The following PLCE1 variants were observed in gnomAD, a reference collection of about 807,000 sequenced individuals.
PLCE1 encodes the protein 1-phosphatidylinositol 4,5-bisphosphate phosphodiesterase epsilon-1.
PLCE1 carries 119 observed loss-of-function variants against 242.8 expected under a neutral mutation model. The observed-to-expected ratio is 0.49, with a 90% CI of 0.42 to 0.57. The LOEUF is 0.57. PLCE1 is among the 20% of genes least tolerant of loss of function. The pLI, the probability that PLCE1 is intolerant of heterozygous loss-of-function variation, is 0.00. For synonymous variants in PLCE1, 945 were observed against 1,017.4 expected, an observed-to-expected ratio of 0.93 and a Z score of 1.35; for missense variants, 2,441 against 2,788.8, an observed-to-expected ratio of 0.88 and a Z score of 2.81.
At position 93,996,989 on chromosome 10, in the gene PLCE1, C is replaced by G. The variant is rs2060836832; in HGVS notation, c.-365+2731C>G. Reference sequence around the variant, plus strand: ...TACTGGTTTCCAAATGAAATTTAGTCATAACTTTAAAGTTTCCAAATTTTA... The same window carrying G: ...TACTGGTTTCCAAATGAAATTTAGTGATAACTTTAAAGTTTCCAAATTTTA... On this transcript the variant is annotated intron_variant, in intron 1 of 32. Transcript: ENST00000371380. Among the ~76,000 whole-genome samples the G allele has an allele frequency of 3.3e-5, 5 of 152,164 alleles. No homozygotes were observed. In the South Asian group the frequency reaches 1.0e-3, roughly 32 times the overall value.
At chr10:94,049,313 C>T (rs773531796) in intron 2 of PLCE1, among the ~76,000 whole-genome samples, 2 of 152,126 alleles carry the variant, frequency 1.3e-5, no homozygotes, top group Admixed American at 6.5e-5. Flanking sequence ...ATCGAATTCC[C>T]TAACCCATTT....
intron 3 of PLCE1, among the ~76,000 whole-genome samples, chr10:94,148,092 C>G (rs2136083601): frequency 6.6e-6 from 1 of 152,270 alleles, no homozygotes; most frequent in Non-Finnish European, 1.5e-5. Context: ...TAACTCTTCT[C>G]TTCTAAGTTT....
chr10:94,195,246 C>T (rs2048784011), intron 4 of PLCE1, among the ~76,000 whole-genome samples: 1 of 152,128 alleles, frequency 6.6e-6, no homozygotes, highest in Non-Finnish European at 1.5e-5. Flanking sequence ...CCTGCTCTAA[C>T]CCTGTCCAAG....
chr10:94,277,756 TGA>T (rs2052016454), intron 19 of PLCE1, among the ~76,000 whole-genome samples: 1 of 152,098 alleles, frequency 6.6e-6, no homozygotes. Context: ...ACTAATCCTA[TGA>T]GAGACTCTGA....
At chr10:94,243,786 T>C (rs1452920290) in intron 7 of PLCE1, among the ~76,000 whole-genome samples, 2 of 151,366 alleles carry the variant, frequency 1.3e-5, no homozygotes, top group Non-Finnish European at 2.9e-5. Flanking sequence ...CTTTGTAGTT[T>C]TTCTACTAAT....
intron 4 of PLCE1, among the ~76,000 whole-genome samples, chr10:94,209,324 G>C (rs1343244967): frequency 1.3e-5 from 2 of 152,202 alleles, no homozygotes; most frequent in Non-Finnish European, 2.9e-5. Context: ...TTTTGTTTCA[G>C]ATAATACTTG....
intron 1 of PLCE1, among the ~76,000 whole-genome samples, chr10:94,018,644 A>C (rs1425300): frequency 0.54 from 81,410 of 152,034 alleles, 22,792 homozygotes; most frequent in East Asian, 0.73. Context: ...ATGATTCTCT[A>C]ACTTTTTTAC....
intron 2 of PLCE1, chr10:94,097,016 A>C (rs2045341015): frequency 6.6e-6 from 1 of 152,224 alleles, no homozygotes; most frequent in South Asian, 2.1e-4. Context: ...GAAAGAAAGT[A>C]CCAAGAAGTT....
chr10:94,109,476 C>A (rs956775485), intron 2 of PLCE1, among the ~76,000 whole-genome samples: 1 of 152,070 alleles, frequency 6.6e-6, no homozygotes, highest in Non-Finnish European at 1.5e-5. Context: ...TGCATGGTGG[C>A]ACGTTCCTAT....
At chr10:94,099,708 A>G (rs2045450538) in intron 2 of PLCE1, 1 of 152,230 alleles carries the variant, frequency 6.6e-6, no homozygotes, top group Non-Finnish European at 1.5e-5. Context: ...ATGAAATTGT[A>G]CAGAACCATC....
intron 2 of PLCE1, among the ~76,000 whole-genome samples, chr10:94,091,948 T>C (rs909357450): frequency 3.9e-5 from 6 of 152,138 alleles, no homozygotes; most frequent in African/African-American, 9.7e-5. Context: ...GGACAAATGA[T>C]CATTTCCTGT....
At chr10:94,259,174 C>G in intron 13 of PLCE1, 24 bp downstream of exon 13, 2 of 1,612,934 alleles carry the variant, frequency 1.2e-6, no homozygotes, top group Non-Finnish European at 1.7e-6. Flanking sequence ...TTTAGGATTT[C>G]CCTTTGGGAT....
At chr10:94,168,877 G>T (rs11187798) in intron 3 of PLCE1, among the ~76,000 whole-genome samples, 1 of 151,916 alleles carries the variant, frequency 6.6e-6, no homozygotes, top group Non-Finnish European at 1.5e-5. Context: ...TAGAAATTTC[G>T]GTTGGCCTCT....
intron 2 of PLCE1, among the ~76,000 whole-genome samples, chr10:94,122,858 C>T (rs560717274): frequency 5.6e-4 from 86 of 152,294 alleles, no homozygotes; most frequent in African/African-American, 1.9e-3. Context: ...AGTAGGCCTG[C>T]GATGGAGCCC....
At chr10:94,191,078 C>T (rs2048647831) in intron 4 of PLCE1, among the ~76,000 whole-genome samples, 2 of 151,872 alleles carry the variant, frequency 1.3e-5, no homozygotes, top group Admixed American at 6.6e-5. Context: ...GGGGCCCCAG[C>T]CTCATAGGGT....
chr10:94,204,659 T>A (rs1411162581), intron 4 of PLCE1, among the ~76,000 whole-genome samples: 2 of 146,002 alleles, frequency 1.4e-5, no homozygotes, highest in Non-Finnish European at 3.0e-5. Flanking sequence ...AGAGTGAAAC[T>A]CTGTCCCGAA....
chr10:94,126,330 C>G (rs2046435377), intron 2 of PLCE1, among the ~76,000 whole-genome samples: 1 of 152,302 alleles, frequency 6.6e-6, no homozygotes, highest in Non-Finnish European at 1.5e-5. Context: ...TAGCAGTGAC[C>G]AAATATAACA....
In PLCE1 at chr10:94,258,781, GGCCTT is replaced by G; in HGVS notation, c.3555-17_3555-13del. The G allele has an allele frequency of 6.2e-7, 1 of 1,613,988 alleles. No homozygotes were observed. Among genetic ancestry groups the G allele is most frequent in the Non-Finnish European group, 8.5e-7 (1 of 1,179,944 alleles). On this transcript the variant is annotated splice_polypyrimidine_tract_variant and intron_variant, in intron 11 of 32. Coordinates refer to ENST00000371380, the MANE Select transcript of PLCE1 (RefSeq NM_016341.4). ...AGTGGCCTGCCCTTGTGCCCATGAA[GGCCTT>G]GTCTTTGTTGCAGTGCTTGGAGCAG...
At chr10:94,054,624 C>A (rs1194710237) in intron 2 of PLCE1, among the ~76,000 whole-genome samples, 2 of 152,166 alleles carry the variant, frequency 1.3e-5, no homozygotes, top group Non-Finnish European at 2.9e-5. Flanking sequence ...TAATAACATT[C>A]CCTCAGCCAT....
Sources: gnomAD v4.1 joint callset for allele counts (sites outside exome capture counted in the v4.1 genomes callset) on GRCh38, gnomAD v4.1.1 for gene constraint, MANE v1.5 for transcripts, NCBI Gene and HGNC (gene_info 2026-07-23, HGNC 2026-07-21) for gene names.